ATRX: variants seen among roughly 807,000 people sequenced by gnomAD.
The protein encoded by ATRX is ATRX chromatin remodeler, also known as chromatin remodeler ATRX.
A neutral mutation model predicts 172.6 loss-of-function variants in ATRX; 12 were observed. The ratio of observed to expected loss-of-function variants is 0.07; its 90% CI spans 0.04 to 0.11. The LOEUF is 0.11. ATRX is among the 10% of genes least tolerant of loss of function. ATRX has a pLI of 1.00. For synonymous variants in ATRX, 674 were observed against 594.7 expected (o/e 1.13, Z -1.94); for missense variants, 1,368 against 1,767.4 (o/e 0.77, Z 4.05).
intron 28 of ATRX, among the ~76,000 whole-genome samples, chrX:77,570,538 T>C (rs1207436710): frequency 9.0e-6 from 1 of 111,014 alleles, no homozygotes; most frequent in African/African-American, 3.3e-5. Context: ...CTTCACACCT[T>C]ATACAAAAAT....
intron 28 of ATRX, among the ~76,000 whole-genome samples, chrX:77,568,461 C>T (rs1338481402): frequency 8.9e-6 from 1 of 111,929 alleles, no homozygotes; most frequent in Admixed American, 9.5e-5. Flanking sequence ...CCTAAAACTA[C>T]TGAGGAAATT....
intron 19 of ATRX, among the ~76,000 whole-genome samples, chrX:77,625,292 T>C (rs1443747941): frequency 8.9e-6 from 1 of 112,685 alleles, no homozygotes; most frequent in East Asian, 2.8e-4. Context: ...ATAAAAATTC[T>C]AGAAGATGAG....
chrX:77,540,198 C>T (rs188814082), intron 30 of ATRX, among the ~76,000 whole-genome samples: 15 of 111,286 alleles, frequency 1.3e-4, no homozygotes, highest in African/African-American at 4.6e-4. Context: ...TTAAAACCAA[C>T]AAAGATCAAA....
intron 28 of ATRX, among the ~76,000 whole-genome samples, chrX:77,565,973 T>C (rs111928687): frequency 3.6e-5 from 4 of 111,051 alleles, no homozygotes; most frequent in African/African-American, 1.3e-4. Flanking sequence ...AGAAATGGCC[T>C]AATCTGAACA....
At chrX:77,693,140 G>C (rs1238130001) in intron 6 of ATRX, among the ~76,000 whole-genome samples, 1 of 110,981 alleles carries the variant, frequency 9.0e-6, no homozygotes, top group African/African-American at 3.3e-5. Flanking sequence ...TCCTGCCTTG[G>C]CTTCCTAAAG....
intron 2 of ATRX, among the ~76,000 whole-genome samples, chrX:77,709,778 C>A (rs1234533678): frequency 9.1e-6 from 1 of 110,330 alleles, no homozygotes; most frequent in Non-Finnish European, 1.9e-5. Context: ...GAGGCTCTGT[C>A]TCTACCCAAA....
chrX:77,786,056 TC>T lies in ATRX; in HGVS notation c.-56del. The T allele has an allele frequency of 8.7e-7, 1 of 1,143,744 alleles. No homozygotes were observed. The allele number at this position is 1,143,744 out of a possible 1,213,427, so 94.3% of individuals were successfully genotyped here. ...GTGATTGCTGGGCGCCGATCTGCGC[TC>T]CCCCGCGCCCGGTTACGATAGAAAT... On this transcript the variant is annotated 5_prime_UTR_variant, in exon 1 of 35. Transcript: ENST00000373344.
At chrX:77,572,742 A>T (rs1557068268) in intron 28 of ATRX, among the ~76,000 whole-genome samples, 1 of 112,124 alleles carries the variant, frequency 8.9e-6, no homozygotes, top group Non-Finnish European at 1.9e-5. Flanking sequence ...CACAGAATAT[A>T]AAAATGTATT....
At chrX:77,681,389 C>T in intron 9 of ATRX, 131 bp downstream of exon 9, 7 of 629,353 alleles carry the variant, frequency 1.1e-5, no homozygotes, top group Non-Finnish European at 1.7e-5. Context: ...TAATAAACTC[C>T]TAAATAATTT....
intron 28 of ATRX, among the ~76,000 whole-genome samples, chrX:77,563,702 CGTGTGTGTGTGTGTGTGTGT>C (rs201190876): frequency 1.0e-5 from 1 of 95,490 alleles, no homozygotes; most frequent in Non-Finnish European, 2.1e-5. Context: ...TGTGTACATG[CGTGTGTGTGTGTGTGTGTGT>C]GTGTGTGTGT....
At chrX:77,746,900 A>G (rs1335920474) in intron 1 of ATRX, among the ~76,000 whole-genome samples, 2 of 110,799 alleles carry the variant, frequency 1.8e-5, no homozygotes, top group East Asian at 5.7e-4. Context: ...TCCCGGGTTC[A>G]AGCAATTCTC....
At chrX:77,686,458 A>G (rs2071559984) in intron 7 of ATRX, among the ~76,000 whole-genome samples, 1 of 112,182 alleles carries the variant, frequency 8.9e-6, no homozygotes, top group South Asian at 3.7e-4. Context: ...GCTCATGCCT[A>G]TAATCCCAGC....
At chrX:77,594,125 G>A in intron 25 of ATRX, 1 of 247,597 alleles carries the variant, frequency 4.0e-6, no homozygotes, top group Non-Finnish European at 7.1e-6. Context: ...GAGTGCAAGT[G>A]TAAGAGACAA....
rs959260382 is a variant in ATRX at position 77,558,690 on chromosome X, A to G, written c.6483T>C (p.Tyr2161=). The G allele has an allele frequency of 1.7e-6, 2 of 1,203,806 alleles. No homozygotes were observed. The highest frequency in any genetic ancestry group is 2.2e-6 in the Non-Finnish European group (2 of 889,089). The change falls in exon 29 of 35, where the codon TAT becomes TAC. Residue 2161 remains tyrosine (Y), a synonymous_variant. Coordinates refer to ENST00000373344, the MANE Select transcript of ATRX (RefSeq NM_000489.6). The part of the protein sequence containing the change: ...VYRFGQTKPV[Y]VYRFLAQGTM... ...CTACCTGAGCTAAGAACCTATATAC[A>G]TAAACAGGCTTAGTTTGTCCAAAGC...
chrX:77,780,128 G>C (rs2076517282), intron 1 of ATRX, among the ~76,000 whole-genome samples: 1 of 111,384 alleles, frequency 9.0e-6, no homozygotes, highest in Non-Finnish European at 1.9e-5. Flanking sequence ...TCCAATAAAT[G>C]TTTATACAAC....
intron 10 of ATRX, among the ~76,000 whole-genome samples, chrX:77,669,310 CTT>C (rs377754260): frequency 9.7e-6 from 1 of 102,994 alleles, no homozygotes. Flanking sequence ...CAGATGATGC[CTT>C]TTTTTTTTTT....
At chrX:77,654,482 T>C (rs1185041430) in intron 13 of ATRX, among the ~76,000 whole-genome samples, 4 of 110,752 alleles carry the variant, frequency 3.6e-5, no homozygotes, top group East Asian at 2.8e-4. Flanking sequence ...AAACAGCCAA[T>C]AGACATACTA....
At chrX:77,710,018 G>T (rs1462414275) in intron 2 of ATRX, among the ~76,000 whole-genome samples, 1 of 111,170 alleles carries the variant, frequency 9.0e-6, no homozygotes, top group African/African-American at 3.3e-5. Context: ...TGTGGTACAG[G>T]CCAGGCGCGG....
chrX:77,630,814 C>T (rs781870317), intron 19 of ATRX, among the ~76,000 whole-genome samples: 2 of 110,789 alleles, frequency 1.8e-5, no homozygotes, highest in East Asian at 5.6e-4. Context: ...TCATGACCTT[C>T]GATTAAGCAA....
Sources: gnomAD v4.1 joint callset for allele counts (sites outside exome capture counted in the v4.1 genomes callset) on GRCh38, gnomAD v4.1.1 for gene constraint, MANE v1.5 for transcripts, NCBI Gene and HGNC (gene_info 2026-07-23, HGNC 2026-07-21) for gene names.